ANK2: variants seen among roughly 807,000 people sequenced by gnomAD.
ANK2 encodes the protein ankyrin 2, also known as ankyrin-2.
A neutral mutation model predicts 360.5 loss-of-function variants in ANK2; 83 were observed. That is an observed-to-expected ratio of 0.23 (90% CI 0.19 to 0.28). ANK2 has a LOEUF of 0.28. Among genes scored for constraint, ANK2 ranks in the 10% least tolerant of loss-of-function variants. ANK2 has a pLI of 1.00. For missense variants in ANK2, 4,201 were observed against 4,795.7 expected (o/e 0.88, Z 3.66); for synonymous variants, 1,740 against 1,759.5 (o/e 0.99, Z 0.28).
Position 112,918,346 on chromosome 4 carries a change from G to A in ANK2, c.21+13832G>A. ...TCCTTGCATAAATAATTCAGGTTATGAAAGCACCCGAAAGAACATAAGTGG... is the reference window on the plus strand; with the variant it reads ...TCCTTGCATAAATAATTCAGGTTATAAAAGCACCCGAAAGAACATAAGTGG... On this transcript the variant is annotated intron_variant, in intron 2 of 30. Coordinates refer to the ANK2 transcript ENST00000503271. 1.3e-5 allele frequency among the ~76,000 whole-genome samples: 2 copies of A among 152,054 alleles called. 1 individual carries two copies. The highest frequency in any genetic ancestry group is 3.9e-4 in the East Asian group (2 of 5,182).
rs1340970001 is a variant in ANK2 at position 113,274,495 on chromosome 4, C to G, written c.1529C>G (p.Thr510Arg). The change falls in exon 15 of 46, where the codon ACA (threonine) becomes AGA (arginine). Residue 510 changes from threonine (T) to arginine (R), a missense_variant. Transcript: ENST00000357077. The part of the protein sequence containing the change: ...PLHIASRLGK[T>R]EIVQLLLQHM... The stretch of plus-strand genomic sequence containing the variant: ...CATATTGCCTCCCGCCTGGGTAAGA[C>G]AGAAATTGTCCAGCTGCTTCTACAA... The G allele has an allele frequency of 6.2e-7, 1 of 1,614,216 alleles. No homozygotes were observed.
In ANK2 at chr4:112,997,450, A is replaced by G. The variant is rs566710533; in HGVS notation, c.21+92936A>G. Among the ~76,000 whole-genome samples, 5 of 152,256 alleles carry G rather than the reference A, an allele frequency of 3.3e-5. No homozygotes were observed. In the East Asian group the frequency reaches 9.6e-4, roughly 29 times the overall value. On this transcript the variant is annotated intron_variant, in intron 2 of 30. Coordinates refer to the ANK2 transcript ENST00000503271. ...AAAACTACTGATATGCAATATGCTT[A>G]ACAGATATCTAACAATATCAACCCT... is the stretch of plus-strand genomic sequence containing the variant.
chr4:113,207,686 C>CAAAAAAAAAAAA (rs34818513), intron 4 of ANK2, among the ~76,000 whole-genome samples: 2 of 101,650 alleles, frequency 2.0e-5, no homozygotes, highest in Non-Finnish European at 2.0e-5. Flanking sequence ...GATCACAAAG[C>CAAAAAAAAAAAA]AAAAAAAAAA....
chr4:112,811,889 C>CA, the ANK2 span, among the ~76,000 whole-genome samples: 2 of 152,068 alleles, frequency 1.3e-5, no homozygotes, highest in Non-Finnish European at 2.9e-5. Context: ...TCCTGGCTAA[C>CA]ACGGTGAAAC....
the ANK2 span, among the ~76,000 whole-genome samples, chr4:112,778,600 T>G: frequency 1.3e-5 from 2 of 152,194 alleles, no homozygotes; most frequent in African/African-American, 4.8e-5. Context: ...TTAAAGAGTT[T>G]GTCATTTCTC....
At chr4:113,077,710 A>G (rs969181915) in intron 1 of ANK2, among the ~76,000 whole-genome samples, 1 of 152,236 alleles carries the variant, frequency 6.6e-6, no homozygotes, top group African/African-American at 2.4e-5. Context: ...GCTGTCCCCA[A>G]CGAAAGCTGC....
At chr4:112,736,460 G>A in the ANK2 span, among the ~76,000 whole-genome samples, 5 of 85,964 alleles carry the variant, frequency 5.8e-5, no homozygotes, top group South Asian at 4.1e-4. Flanking sequence ...GCAAGACTCC[G>A]TCTCAAAAAA....
chr4:112,928,855 G>GTT (rs1235507355), intron 2 of ANK2, among the ~76,000 whole-genome samples: 12 of 142,138 alleles, frequency 8.4e-5, no homozygotes, highest in Non-Finnish European at 1.2e-4. Context: ...CCGTCTTTAG[G>GTT]TTTTTTTTTT....
At chr4:113,180,202 T>C (rs2098368583) in intron 2 of ANK2, among the ~76,000 whole-genome samples, 1 of 152,230 alleles carries the variant, frequency 6.6e-6, no homozygotes, top group Admixed American at 6.5e-5. Context: ...TATTTGGAAG[T>C]CACATTAACA....
intron 2 of ANK2, among the ~76,000 whole-genome samples, chr4:113,026,130 C>T (rs2059245755): frequency 6.6e-6 from 1 of 152,100 alleles, no homozygotes; most frequent in Non-Finnish European, 1.5e-5. Flanking sequence ...AATACGTGGC[C>T]ACGGACACTT....
At chr4:113,033,588 G>GA (rs1302252835) in intron 2 of ANK2, among the ~76,000 whole-genome samples, 1 of 151,822 alleles carries the variant, frequency 6.6e-6, no homozygotes. Context: ...TACAATTTGA[G>GA]AAAAAAGTGT....
At chr4:113,295,081 A>C (rs1180602562) in intron 22 of ANK2, among the ~76,000 whole-genome samples, 1 of 152,148 alleles carries the variant, frequency 6.6e-6, no homozygotes, top group East Asian at 1.9e-4. Context: ...TATTTTACCA[A>C]GTTATCACTA....
chr4:113,369,732 T>A lies in ANK2; in HGVS notation c.11537T>A (p.Leu3846His), dbSNP rs2096661814. The A allele has an allele frequency of 3.1e-6, 5 of 1,613,844 alleles. No individual in the cohort carries two copies. In the Admixed American group the frequency reaches 8.3e-5, roughly 27 times the overall value. ...GAGAGCTCTCCGCGGAAAACCAGCC[T>A]CGTAATAGTGGAGTCTGCCGATAAC... is the stretch of plus-strand genomic sequence containing the variant. Reference protein sequence around the residue: ...REESSPRKTSLVIVESADNQP... With the variant: ...REESSPRKTSHVIVESADNQP... Residue 3846 changes from leucine (L) to histidine (H), a missense_variant, in exon 43 of 46, where the codon CTC (leucine) becomes CAC (histidine). Around this residue, in one of 4 missense-constraint regions of ANK2, gnomAD observed 2,642 missense variants for 2,714.5 expected, o/e 0.97. Coordinates refer to ENST00000357077, the MANE Select transcript of ANK2 (RefSeq NM_001148.6).
At chr4:113,184,432 G>C (rs573030936) in intron 2 of ANK2, among the ~76,000 whole-genome samples, 11 of 152,144 alleles carry the variant, frequency 7.2e-5, no homozygotes, top group African/African-American at 2.6e-4. Flanking sequence ...ATCTCTCCAG[G>C]AGTCTGTAGA....
At chr4:113,327,580 T>C (rs2090627203) in intron 26 of ANK2, among the ~76,000 whole-genome samples, 1 of 152,212 alleles carries the variant, frequency 6.6e-6, no homozygotes, top group Non-Finnish European at 1.5e-5. Flanking sequence ...TGCTAAGTGC[T>C]CCATCCACAC....
chr4:113,044,065 A>G (rs2063647156), intron 2 of ANK2, among the ~76,000 whole-genome samples: 1 of 152,200 alleles, frequency 6.6e-6, no homozygotes, highest in Non-Finnish European at 1.5e-5. Flanking sequence ...CAATGGGAGT[A>G]TCGTTCACAT....
chr4:113,150,379 C>A (rs1162175778), intron 1 of ANK2, among the ~76,000 whole-genome samples: 3 of 152,136 alleles, frequency 2.0e-5, no homozygotes, highest in African/African-American at 4.8e-5. Flanking sequence ...GTGGTTGGTG[C>A]CTGAGCTGAA....
At chr4:112,766,013 T>TA in the ANK2 span, among the ~76,000 whole-genome samples, 2 of 152,160 alleles carry the variant, frequency 1.3e-5, no homozygotes, top group African/African-American at 2.4e-5. Context: ...CACAATGTGA[T>TA]ACACCAGCAC....
Position 113,353,754 on chromosome 4 carries a change from G to C in ANK2, c.5136G>C (p.Gln1712His), listed in dbSNP as rs773125026. The C allele has an allele frequency of 1.2e-6, 2 of 1,613,438 alleles. No individual in the cohort carries two copies. Among genetic ancestry groups the C allele is most frequent in the Non-Finnish European group, 1.7e-6 (2 of 1,179,866 alleles). The change falls in exon 38 of 46, where the codon CAG becomes CAC. Residue 1712 changes from glutamine to histidine, a missense_variant. By Grantham distance (24) the Gln-to-His change is conservative. Coordinates refer to ENST00000357077, the MANE Select transcript of ANK2 (RefSeq NM_001148.6). ...KPVRRKLKEK[Q>H]KQKEEGLQAS... Reference sequence around the variant, plus strand: ...TAAGAAGGAAATTAAAAGAAAAGCAGAAACAAAAAGAGGAAGGTTTACAAG... The same window carrying C: ...TAAGAAGGAAATTAAAAGAAAAGCACAAACAAAAAGAGGAAGGTTTACAAG...
Sources: allele counts gnomAD v4.1 joint callset (sites outside exome capture counted in the v4.1 genomes callset), GRCh38; gene constraint gnomAD v4.1.1; regional missense constraint gnomAD v4.1.1; transcripts MANE v1.5; gene names NCBI Gene and HGNC (gene_info 2026-07-23, HGNC 2026-07-21).